Variants in AKT2 observed in about 807,000 individuals in gnomAD.
AKT2 encodes AKT serine/threonine kinase 2, also known as RAC-beta serine/threonine-protein kinase.
AKT2 carries 16 observed loss-of-function variants against 58.6 expected under a neutral mutation model. That is an observed-to-expected ratio of 0.27 (90% CI 0.18 to 0.41). AKT2 has a LOEUF of 0.41. Ranked by LOEUF, AKT2 falls within the 10% of genes least tolerant of loss-of-function variation. AKT2 has a pLI of 1.00. For synonymous variants in AKT2, 253 were observed against 254.0 expected (o/e 1.00, Z 0.04); for missense variants, 438 against 661.0 (o/e 0.66, Z 3.70).
intron 1 of AKT2, among the ~76,000 whole-genome samples, chr19:40,271,533 C>T (rs1383222606): frequency 6.6e-6 from 1 of 151,934 alleles, no homozygotes; most frequent in African/African-American, 2.4e-5. Flanking sequence ...TGGGGCAAGA[C>T]GTGAGGGAAC....
Position 40,235,436 on chromosome 19 carries a change from GC to G in AKT2, c.1176-87del. The G allele has an allele frequency of 8.4e-7, 1 of 1,184,398 alleles. No homozygotes were observed. Among genetic ancestry groups the G allele is most frequent in the Non-Finnish European group, 1.2e-6 (1 of 802,492 alleles). The allele number at this position is 1,184,398 out of a possible 1,614,324, so 73.4% of individuals were successfully genotyped here. A position where few individuals can be genotyped will look rare whatever the true frequency, so the allele number is the denominator to read the frequency against. On this transcript the variant is annotated intron_variant, in intron 11 of 13. Transcript: ENST00000392038. The surrounding 1 kb of genome is among the most constrained non-coding windows in gnomAD (Gnocchi z 6.3). ...TTTCGGAGCAGGCAGGCCCTGTATG[GC>G]CCTTAATGATTCTGTCTTGACCACA...
chr19:40,271,781 A>G (rs1204527534), intron 1 of AKT2, among the ~76,000 whole-genome samples: 2 of 152,314 alleles, frequency 1.3e-5, no homozygotes, highest in East Asian at 3.9e-4. Context: ...CACCCTGAAG[A>G]GGTCTGGCAG....
In AKT2 at chr19:40,237,801, C is replaced by A; in HGVS notation, c.831+168G>T. 1 of 982,474 alleles carries A rather than the reference C, an allele frequency of 1.0e-6. No homozygotes were observed. The highest frequency in any genetic ancestry group is 1.5e-6 in the Non-Finnish European group (1 of 672,088). 60.9% of individuals were successfully genotyped at this position (982,474 alleles called of 1,614,324 possible). A position where few individuals can be genotyped will look rare whatever the true frequency, so the allele number is the denominator to read the frequency against. On this transcript the variant is annotated intron_variant, in intron 9 of 13. Coordinates refer to ENST00000392038, the MANE Select transcript of AKT2 (RefSeq NM_001626.6). The surrounding 1 kb of genome is among the most constrained non-coding windows in gnomAD (Gnocchi z 4.5). The stretch of plus-strand genomic sequence containing the variant: ...GGGGAGCCTGGTGAATGAGGGCAGC[C>A]ACCACCCTGGACCTTGGTGGGGAGC...
chr19:40,271,138 G>A (rs2077204507), intron 1 of AKT2, among the ~76,000 whole-genome samples: 2 of 148,366 alleles, frequency 1.3e-5, no homozygotes, highest in Admixed American at 6.7e-5. Flanking sequence ...CCAGGAGTTT[G>A]AGACCAGCCT....
intron 9 of AKT2, chr19:40,236,689 C>T (rs559438561): frequency 9.3e-6 from 4 of 432,322 alleles, no homozygotes; most frequent in African/African-American, 6.0e-5. Context: ...GGGGCACTAG[C>T]TTTCTTCTAT....
intron 7 of AKT2, chr19:40,239,558 G>T (rs1974256798): frequency 6.1e-6 from 2 of 329,870 alleles, no homozygotes; most frequent in Non-Finnish European, 1.2e-5. Flanking sequence ...CTGAGATAAA[G>T]AAATGATACA....
At chr19:40,272,536 A>G (rs1033957934) in intron 1 of AKT2, among the ~76,000 whole-genome samples, 3 of 152,194 alleles carry the variant, frequency 2.0e-5, no homozygotes, top group African/African-American at 4.8e-5. Context: ...TCTGAAACGC[A>G]CACACACACG....
chr19:40,281,024 T>C (rs973806264), intron 1 of AKT2, among the ~76,000 whole-genome samples: 1 of 152,244 alleles, frequency 6.6e-6, no homozygotes. Context: ...CAGTAAATGG[T>C]GGCGGATGAG....
intron 1 of AKT2, chr19:40,274,659 G>A: frequency 3.6e-5 from 9 of 248,138 alleles, no homozygotes; most frequent in South Asian, 2.6e-4. Flanking sequence ...AGCGCAGTCT[G>A]AGCAAAACCG....
At position 40,242,609 on chromosome 19, in the gene AKT2, G is replaced by A. The variant is rs1974482396; in HGVS notation, c.366C>T (p.Tyr122=). 6.2e-7 allele frequency: 1 copy of A among 1,613,720 alleles called. No individual in the cohort carries two copies. The highest frequency in any genetic ancestry group is 1.3e-5 in the African/African-American group (1 of 74,926). ...QRAPGEDPMD[Y]KCGSPSDSST... ...AGGAGTCACTGGGGGAGCCACACTT[G>A]TAGTCCATGGGGTCCTCGCCTGGGG... The change falls in exon 5 of 14, where the codon TAC becomes TAT. Residue 122 remains tyrosine, a synonymous_variant. Transcript: ENST00000392038. This position sits in a 1 kb window ranked among gnomAD's most constrained non-coding sequence, Gnocchi z 4.3.
intron 1 of AKT2, among the ~76,000 whole-genome samples, chr19:40,283,707 C>T (rs2077463958): frequency 6.6e-6 from 1 of 152,190 alleles, no homozygotes; most frequent in African/African-American, 2.4e-5. Flanking sequence ...CACCAGCCCA[C>T]AGACCACAAT....
intron 4 of AKT2, 121 bp downstream of exon 4, chr19:40,255,037 C>T (rs1202725759): frequency 3.9e-6 from 3 of 775,998 alleles, no homozygotes; most frequent in African/African-American, 3.4e-5. Flanking sequence ...ACCCCCCAAC[C>T]AGAAGCGCAG....
chr19:40,239,726 T>A, intron 7 of AKT2: 1 of 514,444 alleles, frequency 1.9e-6, no homozygotes, highest in Non-Finnish European at 3.6e-6. Flanking sequence ...AAAAAAATAA[T>A]GTTTCCACTT....
Position 40,238,603 on chromosome 19 carries a change from C to G in AKT2, c.708+302G>C, listed in dbSNP as rs935534805. Among the ~76,000 whole-genome samples, 1 of 152,100 alleles carries G rather than the reference C, an allele frequency of 6.6e-6. No individual in the cohort carries two copies. The highest frequency in any genetic ancestry group is 1.5e-5 in the Non-Finnish European group (1 of 68,018). On this transcript the variant is annotated intron_variant, in intron 8 of 13. Coordinates refer to ENST00000392038, the MANE Select transcript of AKT2 (RefSeq NM_001626.6). This position sits in a 1 kb window ranked among gnomAD's most constrained non-coding sequence, Gnocchi z 5.1. The stretch of plus-strand genomic sequence containing the variant: ...TAACCCTTGGGGGCTTTCTCTGGGG[C>G]CTTTAAGACCATCCTTCCCAGTGCT...
chr19:40,246,866 C>T (rs1034317667), intron 4 of AKT2, among the ~76,000 whole-genome samples: 5 of 152,364 alleles, frequency 3.3e-5, no homozygotes, highest in African/African-American at 1.2e-4. Flanking sequence ...TCCCAGCTCT[C>T]CCCTCCACCA....
intron 2 of AKT2, among the ~76,000 whole-genome samples, chr19:40,261,402 A>G (rs992612657): frequency 6.6e-6 from 1 of 151,960 alleles, no homozygotes; most frequent in Non-Finnish European, 1.5e-5. Context: ...GCATGGTGGC[A>G]CACGCCTGTA....
intron 4 of AKT2, among the ~76,000 whole-genome samples, chr19:40,248,872 G>A (rs952599926): frequency 1.5e-5 from 2 of 137,868 alleles, no homozygotes; most frequent in Non-Finnish European, 3.1e-5. Flanking sequence ...GAGGAGTGGA[G>A]GAGATGAGGA....
At chr19:40,241,857 G>A (rs901451597) in intron 6 of AKT2, 81 bp downstream of exon 6, 3 of 1,597,338 alleles carry the variant, frequency 1.9e-6, no homozygotes, top group Non-Finnish European at 2.6e-6. Flanking sequence ...AGAAAGCGCG[G>A]GTAAGCGTCC....
At chr19:40,240,562 C>A (rs1283315346) in intron 6 of AKT2, among the ~76,000 whole-genome samples, 5 of 152,330 alleles carry the variant, frequency 3.3e-5, no homozygotes, top group Middle Eastern at 3.4e-3. Context: ...CTGGGACCTA[C>A]CCCCAGGCCC....
Sources: gnomAD v4.1 joint callset for allele counts (sites outside exome capture counted in the v4.1 genomes callset) on GRCh38, gnomAD v4.1.1 for gene constraint, Gnocchi (gnomAD v3.1) non-coding constraint, MANE v1.5 for transcripts, NCBI Gene and HGNC (gene_info 2026-07-23, HGNC 2026-07-21) for gene names.